Variants in SYNJ1 observed in about 807,000 individuals in gnomAD.
The protein encoded by SYNJ1 is synaptojanin 1.
Under a neutral mutation model 168.2 loss-of-function variants are expected in SYNJ1, and 78 were observed. The ratio of observed to expected loss-of-function variants is 0.46; its 90% CI spans 0.39 to 0.56. The LOEUF is 0.56. SYNJ1 is among the 20% of genes least tolerant of loss of function. The probability of loss-of-function intolerance (pLI) is 0.00; values close to 1 mark genes in which losing one functional copy is unlikely to be tolerated. For synonymous variants in SYNJ1, 539 were observed against 548.6 expected (o/e 0.98, Z 0.24); for missense variants, 1,303 against 1,597.6 (o/e 0.82, Z 3.14).
intron 6 of SYNJ1, 104 bp downstream of exon 6, chr21:32,694,124 G>T: frequency 1.4e-6 from 1 of 723,310 alleles, no homozygotes; most frequent in Non-Finnish European, 2.1e-6. Flanking sequence ...ATTATTAGAT[G>T]GAATAATGGA....
At position 32,700,014 on chromosome 21, in the gene SYNJ1, A is replaced by T; in HGVS notation, c.303T>A (p.Thr101=). 6.2e-7 allele frequency: 1 copy of T among 1,614,200 alleles called. No individual in the cohort carries two copies. The highest frequency in any genetic ancestry group is 8.5e-7 in the Non-Finnish European group (1 of 1,180,038). Reference sequence around the variant, plus strand: ...AATCGATTCGCAGTGATATAAACTCAGTGGAAGTAACTCGGAAAACTTCAG... The same window carrying T: ...AATCGATTCGCAGTGATATAAACTCTGTGGAAGTAACTCGGAAAACTTCAG... The part of the protein sequence containing the change: ...QESEVFRVTS[T]EFISLRIDSS... The change falls in exon 4 of 33, where the codon ACT becomes ACA. Residue 101 remains threonine (T), a synonymous_variant. Transcript: ENST00000674351.
At chr21:32,644,282 C>T (rs910511332) in intron 26 of SYNJ1, among the ~76,000 whole-genome samples, 1 of 134,686 alleles carries the variant, frequency 7.4e-6, no homozygotes, top group Non-Finnish European at 1.6e-5. Context: ...CTATTCTTAT[C>T]ACACGCAGTC....
chr21:32,638,816 C>T (rs2039695520), intron 31 of SYNJ1, 92 bp downstream of exon 31: 3 of 1,221,274 alleles, frequency 2.5e-6, no homozygotes, highest in Non-Finnish European at 3.3e-6. Flanking sequence ...TTTATTTTTA[C>T]TTCTTATAAC....
At position 32,646,497 on chromosome 21, in the gene SYNJ1, G is replaced by C. The variant is rs2040075820; in HGVS notation, c.3143C>G (p.Thr1048Ser). The C allele has an allele frequency of 6.2e-7, 1 of 1,614,102 alleles. No homozygotes were observed. The highest frequency in any genetic ancestry group is 1.7e-5 in the Admixed American group (1 of 60,012). Reference sequence around the variant, plus strand: ...TATTGTAGGTGACTGGCAGGGACTAGTTCGGGGTGAAGAGCTGGGGGAAGT... The same window carrying C: ...TATTGTAGGTGACTGGCAGGGACTACTTCGGGGTGAAGAGCTGGGGGAAGT... ...LGTSPSSSPR[T>S]SPCQSPTISE... The change falls in exon 24 of 33, where the codon ACT becomes AGT. Residue 1048 changes from threonine to serine, a missense_variant. By Grantham distance (58) the Thr-to-Ser change is moderately conservative. Transcript: ENST00000674351.
intron 18 of SYNJ1, among the ~76,000 whole-genome samples, chr21:32,659,652 A>T (rs1476170841): frequency 6.6e-6 from 1 of 152,020 alleles, no homozygotes; most frequent in African/African-American, 2.4e-5. Context: ...ATTGATCATG[A>T]CCCTATCACG....
At chr21:32,715,563 T>A (rs913510972) in intron 2 of SYNJ1, among the ~76,000 whole-genome samples, 12 of 152,216 alleles carry the variant, frequency 7.9e-5, no homozygotes, top group African/African-American at 2.9e-4. Context: ...TTTATCTATA[T>A]TTCAGCAACA....
At chr21:32,728,129 G>A, upstream of SYNJ1, 4 of 1,398,076 alleles carry the variant, frequency 2.9e-6, no homozygotes, top group Non-Finnish European at 3.7e-6. Flanking sequence ...TGCGCCGACC[G>A]GCTGGGCCTG....
intron 2 of SYNJ1, among the ~76,000 whole-genome samples, chr21:32,722,497 C>T (rs996456670): frequency 2.0e-5 from 3 of 152,040 alleles, no homozygotes; most frequent in African/African-American, 7.2e-5. Context: ...TTGCAGTGCA[C>T]GGAGATCATA....
chr21:32,701,849 G>A, intron 3 of SYNJ1, 112 bp downstream of exon 3: 1 of 719,958 alleles, frequency 1.4e-6, no homozygotes, highest in Non-Finnish European at 2.2e-6. Flanking sequence ...GTTAGCACAT[G>A]TGTAGCTTAA....
intron 2 of SYNJ1, among the ~76,000 whole-genome samples, chr21:32,708,980 T>C (rs929699298): frequency 8.5e-5 from 13 of 152,096 alleles, no homozygotes; most frequent in African/African-American, 3.1e-4. Context: ...GGTGGAACAA[T>C]ATGTAACAGG....
chr21:32,685,736 G>A lies in SYNJ1; in HGVS notation c.1118+12C>T. The A allele has an allele frequency of 6.4e-7, 1 of 1,558,746 alleles. No individual in the cohort carries two copies. Among genetic ancestry groups the A allele is most frequent in the African/African-American group, 1.4e-5 (1 of 72,354 alleles). ...TTCCAATTCAAAGAACAGAGAAACA[G>A]AACAGTCAAACCTTTGAACTTCACT... On this transcript the variant is annotated intron_variant, in intron 9 of 32. Coordinates refer to ENST00000674351, the MANE Select transcript of SYNJ1 (RefSeq NM_203446.3).
At chr21:32,633,714 T>C (rs539863999) in intron 32 of SYNJ1, among the ~76,000 whole-genome samples, 1 of 152,252 alleles carries the variant, frequency 6.6e-6, no homozygotes, top group Non-Finnish European at 1.5e-5. Context: ...CTTAAGAATA[T>C]GGAAGGATGT....
At chr21:32,669,754 A>G (rs1259564279) in intron 15 of SYNJ1, among the ~76,000 whole-genome samples, 1 of 152,196 alleles carries the variant, frequency 6.6e-6, no homozygotes, top group Non-Finnish European at 1.5e-5. Flanking sequence ...AGAAGAAATT[A>G]TCTAGAAAGG....
chr21:32,647,134 G>C (rs2040105998), intron 23 of SYNJ1, among the ~76,000 whole-genome samples: 1 of 152,126 alleles, frequency 6.6e-6, no homozygotes, highest in African/African-American at 2.4e-5. Flanking sequence ...TTACTTCTGG[G>C]TAGGAAAGTG....
intron 32 of SYNJ1, among the ~76,000 whole-genome samples, chr21:32,633,221 C>T (rs896571766): frequency 6.6e-6 from 1 of 152,068 alleles, no homozygotes; most frequent in Non-Finnish European, 1.5e-5. Context: ...GGTGCCTGGT[C>T]CCTTCTATGT....
intron 14 of SYNJ1, 130 bp from the exon 15 acceptor site, chr21:32,670,502 A>C (rs541234946): frequency 1.4e-6 from 1 of 698,762 alleles, no homozygotes; most frequent in East Asian, 2.8e-5. Context: ...AATTCATATT[A>C]AAGGCAAACA....
chr21:32,689,628 T>C (rs1232300296), intron 6 of SYNJ1, among the ~76,000 whole-genome samples: 1 of 152,094 alleles, frequency 6.6e-6, no homozygotes, highest in Non-Finnish European at 1.5e-5. Flanking sequence ...AAAAGGGGGG[T>C]TGTCAAATCA....
At chr21:32,722,231 T>TATAA (rs963108414) in intron 2 of SYNJ1, among the ~76,000 whole-genome samples, 10 of 139,654 alleles carry the variant, frequency 7.2e-5, no homozygotes, top group African/African-American at 2.7e-4. Context: ...TATATATATA[T>TATAA]AATGTATGCA....
At position 32,702,195 on chromosome 21, in the gene SYNJ1, T is replaced by G. The variant is rs74625247; in HGVS notation, c.125-148A>C. 16,509 of 529,084 alleles carry G rather than the reference T, an allele frequency of 0.031. 304 individuals are homozygous for G. The highest frequency in any genetic ancestry group is 0.039 in the Non-Finnish European group (11,810 of 300,212). The allele number at this position is 529,084 out of a possible 1,614,324, so 32.8% of individuals were successfully genotyped here. A position where few individuals can be genotyped will look rare whatever the true frequency, so the allele number is the denominator to read the frequency against. The stretch of plus-strand genomic sequence containing the variant: ...GCATATTTTCTTAAACTAGTAACAT[T>G]AGTATTCTTCCCAAAGAGTTAATAA... On this transcript the variant is annotated intron_variant, in intron 2 of 32. Coordinates refer to ENST00000674351, the MANE Select transcript of SYNJ1 (RefSeq NM_203446.3).
Sources: allele counts gnomAD v4.1 joint callset (sites outside exome capture counted in the v4.1 genomes callset), GRCh38; gene constraint gnomAD v4.1.1; transcripts MANE v1.5; gene names NCBI Gene and HGNC (gene_info 2026-07-23, HGNC 2026-07-21).